The following AOPEP variants were observed in gnomAD, a reference collection of about 807,000 sequenced individuals.
AOPEP encodes the protein aminopeptidase O (putative), also known as aminopeptidase O.
AOPEP carries 77 observed loss-of-function variants against 98.1 expected under a neutral mutation model. That is an observed-to-expected ratio of 0.78 (90% CI 0.65 to 0.95). The LOEUF is 0.95. Ranked by LOEUF, AOPEP falls within the 40% of genes least tolerant of loss-of-function variation. The pLI, the probability that AOPEP is intolerant of heterozygous loss-of-function variation, is 0.00. For synonymous variants in AOPEP, 346 were observed against 365.3 expected (o/e 0.95, Z 0.60); for missense variants, 1,024 against 1,024.7 (o/e 1.00, Z 0.01).
chr9:95,150,127 C>A, the AOPEP span: 44 of 1,609,232 alleles, frequency 2.7e-5, no homozygotes, highest in Non-Finnish European at 3.5e-5. Context: ...AATCTAAGAG[C>A]CATGCATAAT....
rs561562800 is a variant in AOPEP, at chr9:95,000,643, G to T, written c.1978-4515G>T. Among the ~76,000 whole-genome samples, 3 of 152,290 alleles carry T rather than the reference G, an allele frequency of 2.0e-5. No homozygotes were observed. The South Asian group carries it at 6.2e-4, about 32-fold the overall frequency. ...GAATCGCTTGAGCCTGGGAGGCAGA[G>T]GTTGCAGTGAGCCAAGATTGCACCA... On this transcript the variant is annotated intron_variant, in intron 11 of 16. Coordinates refer to ENST00000375315, the MANE Select transcript of AOPEP (RefSeq NM_001193329.3).
At chr9:94,772,801 A>G (rs72747052) in intron 2 of AOPEP, among the ~76,000 whole-genome samples, 11,773 of 152,236 alleles carry the variant, frequency 0.077, 1,330 homozygotes, top group African/African-American at 0.25. Context: ...TAAGTAATTC[A>G]TCTGAGAGAA....
At chr9:94,735,935 T>A (rs1831655224) in intron 1 of AOPEP, among the ~76,000 whole-genome samples, 1 of 152,216 alleles carries the variant, frequency 6.6e-6, no homozygotes, top group South Asian at 2.1e-4. Context: ...CTTCGTATCT[T>A]CCTTCTTTCA....
At chr9:94,948,765 T>C (rs57094217) in intron 7 of AOPEP, among the ~76,000 whole-genome samples, 1,786 of 152,316 alleles carry the variant, frequency 0.012, 39 homozygotes, top group African/African-American at 0.041. Flanking sequence ...TCATTCTCCT[T>C]GGCAGGAAAG....
At chr9:94,918,447 T>C (rs2053132654) in intron 5 of AOPEP, among the ~76,000 whole-genome samples, 1 of 151,686 alleles carries the variant, frequency 6.6e-6, no homozygotes, top group African/African-American at 2.4e-5. Flanking sequence ...CCTGGGAGAG[T>C]AGTGAGCATG....
intron 5 of AOPEP, among the ~76,000 whole-genome samples, chr9:94,848,866 TC>T (rs1172467440): frequency 6.6e-6 from 1 of 152,148 alleles, no homozygotes; most frequent in Non-Finnish European, 1.5e-5. Flanking sequence ...AGCCTCCACT[TC>T]CTGGGTTCAA....
chr9:94,838,499 A>G (rs1588474974), intron 5 of AOPEP, among the ~76,000 whole-genome samples: 1 of 152,214 alleles, frequency 6.6e-6, no homozygotes, highest in African/African-American at 2.4e-5. Flanking sequence ...GAAGCTTTCT[A>G]GTAAATCTCA....
Position 94,759,949 on chromosome 9 carries a change from C to T in AOPEP, c.166C>T (p.Gln56Ter). The part of the protein sequence containing the change: ...FLEDGNRFKK[Q>*]NSSIEEACQS... Reference sequence around the variant, plus strand: ...CGAGGATGGAAACAGATTCAAGAAACAGAATAGCTCTATTGAGGAAGCCTG... The same window carrying T: ...CGAGGATGGAAACAGATTCAAGAAATAGAATAGCTCTATTGAGGAAGCCTG... The change falls in exon 2 of 17, where the codon CAG becomes TAG. Residue 56 changes from glutamine to a stop codon, truncating the protein, a stop_gained. Transcript: ENST00000375315. LOFTEE classifies it high-confidence loss of function. The T allele has an allele frequency of 6.2e-7, 1 of 1,614,134 alleles. No individual in the cohort carries two copies. The highest frequency in any genetic ancestry group is 8.5e-7 in the Non-Finnish European group (1 of 1,180,026).
chr9:95,101,931 A>AC, the AOPEP span: 1 of 1,523,018 alleles, frequency 6.6e-7, no homozygotes, highest in Non-Finnish European at 9.0e-7. Flanking sequence ...GACCATAACC[A>AC]CCCAGTCCCT....
In AOPEP at chr9:94,964,027, T is replaced by C. The variant is rs572695331; in HGVS notation, c.1873-3731T>C. On this transcript the variant is annotated intron_variant, in intron 9 of 16. Transcript: ENST00000375315. Reference sequence around the variant, plus strand: ...AGGGCCAGTGGGTTAATTCCATTGATAGATGGTACAGAGACTGCCTGGATG... The same window carrying C: ...AGGGCCAGTGGGTTAATTCCATTGACAGATGGTACAGAGACTGCCTGGATG... 3.3e-5 allele frequency among the ~76,000 whole-genome samples: 5 copies of C among 152,342 alleles called. No homozygotes were observed. The East Asian group carries it at 9.6e-4, about 29-fold the overall frequency.
At chr9:94,957,725 C>A (rs1479777871) in intron 9 of AOPEP, among the ~76,000 whole-genome samples, 2 of 152,190 alleles carry the variant, frequency 1.3e-5, no homozygotes, top group Admixed American at 1.3e-4. Context: ...ACTCCCCCAG[C>A]CCTACATAAC....
At chr9:95,058,723 A>C (rs1245472303) in intron 13 of AOPEP, among the ~76,000 whole-genome samples, 1 of 152,178 alleles carries the variant, frequency 6.6e-6, no homozygotes, top group Non-Finnish European at 1.5e-5. Context: ...AGTGAGGTGA[A>C]GTGGGGAGAG....
chr9:94,942,031 G>A (rs74758078), intron 7 of AOPEP, among the ~76,000 whole-genome samples: 2,982 of 152,208 alleles, frequency 0.02, 107 homozygotes, highest in African/African-American at 0.068. Context: ...AATTTTGTAA[G>A]TATACATGCA....
chr9:94,923,933 A>G, intron 5 of AOPEP, 53 bp from the exon 6 acceptor site: 2 of 1,266,828 alleles, frequency 1.6e-6, no homozygotes, highest in Non-Finnish European at 2.0e-6. Context: ...TCGGATGGCC[A>G]TGAGGACAGG....
chr9:95,135,911 G>A, the AOPEP span, among the ~76,000 whole-genome samples: 7 of 152,110 alleles, frequency 4.6e-5, no homozygotes, highest in Admixed American at 3.9e-4. Flanking sequence ...CGGTCCCAGC[G>A]CCACTGCCTA....
the AOPEP span, among the ~76,000 whole-genome samples, chr9:95,139,838 A>T: frequency 2.0e-5 from 3 of 147,002 alleles, no homozygotes; most frequent in African/African-American, 4.9e-5. Flanking sequence ...ATATATTTAT[A>T]TATATATATA....
At chr9:94,779,892 C>A (rs535555515) in intron 3 of AOPEP, among the ~76,000 whole-genome samples, 2 of 152,204 alleles carry the variant, frequency 1.3e-5, no homozygotes, top group Non-Finnish European at 2.9e-5. Context: ...TATCGTTTGG[C>A]CTTTACTCAG....
chr9:94,865,496 C>G (rs2045605260), intron 5 of AOPEP, among the ~76,000 whole-genome samples: 1 of 152,204 alleles, frequency 6.6e-6, no homozygotes, highest in Non-Finnish European at 1.5e-5. Flanking sequence ...TGCTGCATTT[C>G]AGTCCATAGG....
chr9:94,835,485 A>AATAATAACCTCTATTTTTTTCTCCTT (rs2041479034), intron 5 of AOPEP, among the ~76,000 whole-genome samples: 2 of 152,188 alleles, frequency 1.3e-5, no homozygotes, highest in African/African-American at 4.8e-5. Context: ...GCAACCATCA[A>AATAATAACCTCTATTTTTTTCTCCTT]ATAATAACCT....
Sources: gnomAD v4.1 joint callset for allele counts (sites outside exome capture counted in the v4.1 genomes callset) on GRCh38, gnomAD v4.1.1 for gene constraint, MANE v1.5 for transcripts, NCBI Gene and HGNC (gene_info 2026-07-23, HGNC 2026-07-21) for gene names.